The following ZNF829 variants were observed in gnomAD, a reference collection of about 807,000 sequenced individuals.
ZNF829 encodes the protein zinc finger protein 829.
ZNF829 carries 25 observed loss-of-function variants against 35.2 expected under a neutral mutation model. The observed-to-expected ratio is 0.71, with a 90% CI of 0.52 to 0.99. The LOEUF is 0.99. Ranked by LOEUF, ZNF829 falls within the 50% of genes least tolerant of loss-of-function variation. The probability of loss-of-function intolerance (pLI) is 0.00; values close to 1 mark genes in which losing one functional copy is unlikely to be tolerated. For synonymous variants in ZNF829, 136 were observed against 163.2 expected, an observed-to-expected ratio of 0.83 and a Z score of 1.27; for missense variants, 417 against 515.3, an observed-to-expected ratio of 0.81 and a Z score of 1.85.
At chr19:36,893,997 A>G (rs1470956907) in intron 5 of ZNF829, among the ~76,000 whole-genome samples, 1 of 152,162 alleles carries the variant, frequency 6.6e-6, no homozygotes, top group Non-Finnish European at 1.5e-5. Context: ...CCACTTGCTC[A>G]AGAAGCCCCA....
chr19:36,892,259 G>T lies in ZNF829; in HGVS notation c.532C>A (p.His178Asn). The T allele has an allele frequency of 6.2e-7, 1 of 1,613,970 alleles. No individual in the cohort carries two copies. Among genetic ancestry groups the T allele is most frequent in the Non-Finnish European group, 8.5e-7 (1 of 1,180,024 alleles). ...NSQFIQHQRI[H>N]FGEKHYESKE... ...GATTCATAGTGTTTTTCACCAAAATGAATTCTCTGATGTTGGATAAATTGT... is the reference window on the plus strand; with the variant it reads ...GATTCATAGTGTTTTTCACCAAAATTAATTCTCTGATGTTGGATAAATTGT... Residue 178 changes from histidine (H) to asparagine (N), a missense_variant, in exon 6 of 6, where the codon CAT (histidine) becomes AAT (asparagine). Transcript: ENST00000391711.
At chr19:36,907,302 G>A (rs1326417690) in intron 5 of ZNF829, 12 of 151,984 alleles carry the variant, frequency 7.9e-5, no homozygotes, top group South Asian at 4.1e-4. Context: ...TAGGCAAAAC[G>A]AATCCATGGT....
In ZNF829 at chr19:36,891,729, AC is replaced by A. The variant is rs759155383; in HGVS notation, c.1061del (p.Cys354LeufsTer81). 1.9e-5 allele frequency: 31 copies of A among 1,614,024 alleles called. No individual in the cohort carries two copies. Among genetic ancestry groups the A allele is most frequent in the Non-Finnish European group, 2.5e-5 (30 of 1,180,026 alleles). On this transcript the variant is annotated frameshift_variant, in exon 6 of 6. Coordinates refer to ENST00000391711, the MANE Select transcript of ZNF829 (RefSeq NM_001037232.4). LOFTEE classifies it high-confidence loss of function. Reference sequence around the variant, plus strand: ...GAATAAAGGCCTTTCTACATTCTTCACATTCATAGAGCTTCTCACCAGCATG... The same window carrying A: ...GAATAAAGGCCTTTCTACATTCTTCAATTCATAGAGCTTCTCACCAGCATG... ...RIHAGEKLYE[C>X]EECRKAFIQS...
chr19:36,898,708 A>G (rs762263394), intron 5 of ZNF829, among the ~76,000 whole-genome samples: 1 of 152,222 alleles, frequency 6.6e-6, no homozygotes, highest in Non-Finnish European at 1.5e-5. Context: ...CCATGTATTT[A>G]TAGTCAACTG....
intron 5 of ZNF829, chr19:36,892,959 G>C: frequency 1.9e-6 from 1 of 538,488 alleles, no homozygotes. Context: ...GCAGGATGCC[G>C]CTTCTGCTCC....
In ZNF829 at chr19:36,889,604, CTG is replaced by C. The variant is rs1688526358; in HGVS notation, c.*1886_*1887del. The C allele has an allele frequency of 1.3e-5, 2 of 152,246 alleles. No homozygotes were observed. Among genetic ancestry groups the C allele is most frequent in the South Asian group, 2.1e-4 (1 of 4,824 alleles). The allele number at this position is 152,246 out of a possible 1,614,324, so 9.4% of individuals were successfully genotyped here. On this transcript the variant is annotated 3_prime_UTR_variant, in exon 6 of 6. Coordinates refer to ENST00000391711, the MANE Select transcript of ZNF829 (RefSeq NM_001037232.4). The stretch of plus-strand genomic sequence containing the variant: ...TAGTTTCTGCTGATATTTTATATGT[CTG>C]TGTTATCAGTTATAATATCACCTTA...
At chr19:36,898,832 T>C in intron 5 of ZNF829, among the ~76,000 whole-genome samples, 1 of 152,154 alleles carries the variant, frequency 6.6e-6, no homozygotes, top group East Asian at 1.9e-4. Flanking sequence ...ACTGTATCTC[T>C]CACCATATAC....
intron 3 of ZNF829, among the ~76,000 whole-genome samples, chr19:36,911,773 C>T (rs73628740): frequency 0.013 from 1,981 of 152,174 alleles, 43 homozygotes; most frequent in African/African-American, 0.045. Flanking sequence ...AAGATTAGTA[C>T]CTATTTCCCT....
intron 5 of ZNF829, among the ~76,000 whole-genome samples, chr19:36,901,357 G>C (rs920924718): frequency 6.6e-6 from 1 of 152,156 alleles, no homozygotes; most frequent in African/African-American, 2.4e-5. Flanking sequence ...GGGGCTGGAG[G>C]GGGTGGGAAT....
At chr19:36,896,055 T>TA (rs2073109624) in intron 5 of ZNF829, among the ~76,000 whole-genome samples, 1 of 152,134 alleles carries the variant, frequency 6.6e-6, no homozygotes, top group African/African-American at 2.4e-5. Context: ...CTCATGCCTG[T>TA]AATCCCAGCA....
At chr19:36,902,904 C>T (rs377305282) in intron 5 of ZNF829, among the ~76,000 whole-genome samples, 13 of 152,132 alleles carry the variant, frequency 8.5e-5, no homozygotes, top group South Asian at 2.1e-4. Context: ...GACATGGTGG[C>T]GCACGCCTGT....
chr19:36,909,399 A>C (rs1184000550), intron 3 of ZNF829, among the ~76,000 whole-genome samples: 1 of 152,234 alleles, frequency 6.6e-6, no homozygotes, highest in African/African-American at 2.4e-5. Context: ...AAAAATACAA[A>C]TTGTATTAGA....
At chr19:36,895,776 T>G (rs2073106114) in intron 5 of ZNF829, among the ~76,000 whole-genome samples, 1 of 152,168 alleles carries the variant, frequency 6.6e-6, no homozygotes, top group Non-Finnish European at 1.5e-5. Flanking sequence ...TATATAATGA[T>G]AAATGGGTCA....
At chr19:36,909,574 C>T (rs537823498) in intron 3 of ZNF829, among the ~76,000 whole-genome samples, 121 of 151,902 alleles carry the variant, frequency 8.0e-4, no homozygotes, top group African/African-American at 2.8e-3. Context: ...TTTGGGAGGC[C>T]GAGGCAGGAG....
chr19:36,909,648 A>T (rs2073246784), intron 3 of ZNF829, among the ~76,000 whole-genome samples: 1 of 152,020 alleles, frequency 6.6e-6, no homozygotes, highest in Non-Finnish European at 1.5e-5. Flanking sequence ...GTCTACTTAA[A>T]ATACAAAAAT....
chr19:36,892,167 A>G lies in ZNF829; in HGVS notation c.624T>C (p.Gly208=). 2 of 1,614,156 alleles carry G rather than the reference A, an allele frequency of 1.2e-6. No individual in the cohort carries two copies. Among genetic ancestry groups the G allele is most frequent in the African/African-American group, 2.7e-5 (2 of 75,070 alleles). Residue 208 remains glycine, a synonymous_variant, in exon 6 of 6, where the codon GGT becomes GGC. Coordinates refer to ENST00000391711, the MANE Select transcript of ZNF829 (RefSeq NM_001037232.4). ...LVTRHQRIHT[G]KKPYECKECG... ...ATTCCTTACATTCATAGGGTTTTTT[A>G]CCAGTGTGAATCCTCTGATGTCGAG...
intron 5 of ZNF829, among the ~76,000 whole-genome samples, chr19:36,903,057 GA>G (rs1257420105): frequency 6.6e-6 from 1 of 151,120 alleles, no homozygotes; most frequent in Non-Finnish European, 1.5e-5. Context: ...AGAAGAAGAA[GA>G]AAAAAAGTAA....
chr19:36,907,087 C>CAAAAAAAAAAAAAAAAAAAAAAAA (rs1158970593), intron 5 of ZNF829: 1 of 23,730 alleles, frequency 4.2e-5, no homozygotes, highest in Admixed American at 5.6e-4. Flanking sequence ...GACTCCATCT[C>CAAAAAAAAAAAAAAAAAAAAAAAA]AAAAAAAAAA....
chr19:36,904,652 G>A (rs1046106427), intron 5 of ZNF829, among the ~76,000 whole-genome samples: 1 of 152,094 alleles, frequency 6.6e-6, no homozygotes, highest in Admixed American at 6.6e-5. Context: ...TGCCCGCCTC[G>A]GCCTCCCAGG....
Sources: allele counts gnomAD v4.1 joint callset (sites outside exome capture counted in the v4.1 genomes callset), GRCh38; gene constraint gnomAD v4.1.1; transcripts MANE v1.5; gene names NCBI Gene and HGNC (gene_info 2026-07-23, HGNC 2026-07-21).